The following TUSC3 variants were observed in gnomAD, a reference collection of about 807,000 sequenced individuals.
TUSC3 encodes the protein dolichyl-diphosphooligosaccharide--protein glycosyltransferase subunit TUSC3.
In TUSC3, 45 loss-of-function variants were observed where a neutral mutation model predicts 44.8. That is an observed-to-expected ratio of 1.00 (90% CI 0.79 to 1.29). TUSC3 has a LOEUF of 1.29. Among genes scored for constraint, TUSC3 ranks in the 50% most tolerant of loss-of-function variants. TUSC3 has a pLI of 0.00. For synonymous variants in TUSC3, 212 were observed against 152.9 expected (o/e 1.39, Z -2.85); for missense variants, 519 against 437.9 (o/e 1.19, Z -1.65).
intron 1 of TUSC3, among the ~76,000 whole-genome samples, chr8:15,420,582 T>C (rs190376130): frequency 1.4e-5 from 2 of 143,912 alleles, no homozygotes; most frequent in East Asian, 3.9e-4. Context: ...GTACCATTTT[T>C]GTCTGCCTCC....
the TUSC3 span, among the ~76,000 whole-genome samples, chr8:15,830,147 T>G: frequency 8.5e-6 from 1 of 117,406 alleles, no homozygotes; most frequent in Non-Finnish European, 2.0e-5. Context: ...GGTTGTTAGG[T>G]TTTTTTTTTC....
chr8:15,716,075 G>T (rs1224103792), intron 6 of TUSC3, among the ~76,000 whole-genome samples: 4 of 151,906 alleles, frequency 2.6e-5, no homozygotes, highest in Non-Finnish European at 5.9e-5. Flanking sequence ...GGCCAACATG[G>T]TGAAACCCCG....
At chr8:15,423,995 T>TTTTG (rs1563247269) in intron 1 of TUSC3, among the ~76,000 whole-genome samples, 6 of 134,150 alleles carry the variant, frequency 4.5e-5, no homozygotes, top group Admixed American at 1.6e-4. Context: ...TTTTTTTTTT[T>TTTTG]TTTTTTTTTT....
At chr8:15,817,076 G>A in the TUSC3 span, among the ~76,000 whole-genome samples, 308 of 152,224 alleles carry the variant, frequency 2.0e-3, 3 homozygotes, top group African/African-American at 6.7e-3. Context: ...AGTAATTTCC[G>A]TACAGTCTGG....
At chr8:15,439,958 T>C (rs952377008) in intron 1 of TUSC3, among the ~76,000 whole-genome samples, 1 of 152,216 alleles carries the variant, frequency 6.6e-6, no homozygotes, top group African/African-American at 2.4e-5. Flanking sequence ...CATCCATTCA[T>C]TTAACAATTA....
intron 7 of TUSC3, chr8:15,733,258 A>T (rs1016697957): frequency 6.8e-6 from 2 of 292,310 alleles, no homozygotes; most frequent in Middle Eastern, 1.3e-3. Flanking sequence ...AGGAAGCAAA[A>T]CATGTTAACA....
intron 1 of TUSC3, among the ~76,000 whole-genome samples, chr8:15,457,344 A>G (rs994523656): frequency 4.0e-5 from 6 of 151,844 alleles, no homozygotes; most frequent in African/African-American, 1.4e-4. Context: ...TAAAAAAACA[A>G]AAACAAATAG....
intron 2 of TUSC3, among the ~76,000 whole-genome samples, chr8:15,523,548 T>C (rs1801325954): frequency 6.6e-6 from 1 of 151,222 alleles, no homozygotes; most frequent in Non-Finnish European, 1.5e-5. Context: ...AATAATAGCA[T>C]GTTAAATAAT....
rs762962064 is a variant in TUSC3, at chr8:15,748,404, GTCT to G, written c.976_978del (p.Phe326del). On this transcript the variant is annotated inframe_deletion, in exon 9 of 11. Coordinates refer to ENST00000503731, the MANE Select transcript of TUSC3 (RefSeq NM_006765.4). The stretch of plus-strand genomic sequence containing the variant: ...TTGCCTAGTGGGATTGGGCCTGGTG[GTCT>G]TCTTCTTCAGTTTTCTACTTTCAAT... 45 of 1,613,348 alleles carry G rather than the reference GTCT, an allele frequency of 2.8e-5. No individual in the cohort carries two copies. The highest frequency in any genetic ancestry group is 5.0e-5 in the Admixed American group (3 of 59,986).
intron 2 of TUSC3, among the ~76,000 whole-genome samples, chr8:15,513,480 A>G (rs940263061): frequency 6.6e-6 from 1 of 152,210 alleles, no homozygotes; most frequent in Non-Finnish European, 1.5e-5. Context: ...ATACAAGATT[A>G]TATTCAAAGT....
At chr8:15,795,261 G>A in the TUSC3 span, among the ~76,000 whole-genome samples, 1 of 152,152 alleles carries the variant, frequency 6.6e-6, no homozygotes. Flanking sequence ...ATTAGCATTT[G>A]CAAAGACCCT....
intron 2 of TUSC3, 118 bp downstream of exon 2, chr8:15,623,367 A>G: frequency 9.5e-7 from 1 of 1,048,982 alleles, no homozygotes; most frequent in Non-Finnish European, 1.3e-6. Flanking sequence ...GTCAAATATA[A>G]CTGTGCATTT....
chr8:15,718,505 A>C (rs1314063725), intron 6 of TUSC3, among the ~76,000 whole-genome samples: 1 of 152,184 alleles, frequency 6.6e-6, no homozygotes, highest in Non-Finnish European at 1.5e-5. Context: ...CAGTAGTTAC[A>C]TCATAAGATG....
At chr8:15,447,856 C>G (rs1329248936) in intron 1 of TUSC3, among the ~76,000 whole-genome samples, 1 of 151,410 alleles carries the variant, frequency 6.6e-6, no homozygotes, top group South Asian at 2.1e-4. Context: ...CAGAGACTCC[C>G]TCATCGTATT....
chr8:15,827,863 G>A, the TUSC3 span, among the ~76,000 whole-genome samples: 1 of 152,110 alleles, frequency 6.6e-6, no homozygotes. Context: ...TGGGATGTTG[G>A]GATAGGGTGA....
chr8:15,774,827 G>A, the TUSC3 span, among the ~76,000 whole-genome samples: 1 of 151,770 alleles, frequency 6.6e-6, no homozygotes, highest in Non-Finnish European at 1.5e-5. Flanking sequence ...TTTTTTTAAA[G>A]GAAAATGTTG....
the TUSC3 span, among the ~76,000 whole-genome samples, chr8:15,781,567 G>A: frequency 3.2e-3 from 485 of 152,024 alleles, 2 homozygotes; most frequent in African/African-American, 0.011. Context: ...GAAGGAAGTG[G>A]GATGATAAAA....
chr8:15,696,674 C>T (rs962019155), intron 6 of TUSC3, among the ~76,000 whole-genome samples: 2 of 152,136 alleles, frequency 1.3e-5, no homozygotes, highest in Admixed American at 6.5e-5. Flanking sequence ...CTGTTTGATA[C>T]GTTGTTGGGT....
At chr8:15,747,475 C>G (rs1811470426) in intron 8 of TUSC3, among the ~76,000 whole-genome samples, 1 of 151,682 alleles carries the variant, frequency 6.6e-6, no homozygotes, top group Non-Finnish European at 1.5e-5. Flanking sequence ...GTCTTTTATT[C>G]TAAACGTACT....
Sources: gnomAD v4.1 joint callset for allele counts (sites outside exome capture counted in the v4.1 genomes callset) on GRCh38, gnomAD v4.1.1 for gene constraint, MANE v1.5 for transcripts, NCBI Gene and HGNC (gene_info 2026-07-23, HGNC 2026-07-21) for gene names.